Variants in KDM5B observed in about 807,000 individuals in gnomAD.
The protein encoded by KDM5B is lysine demethylase 5B, also known as lysine-specific demethylase 5B.
KDM5B carries 144 observed loss-of-function variants against 193.4 expected under a neutral mutation model. The ratio of observed to expected loss-of-function variants is 0.74; its 90% CI spans 0.65 to 0.86. The LOEUF (loss-of-function observed/expected upper bound fraction) is 0.86, where lower values mean the gene tolerates loss of function less well. Ranked by LOEUF, KDM5B falls within the 40% of genes least tolerant of loss-of-function variation. The pLI is 0.00. For missense variants in KDM5B, 1,833 were observed against 1,886.9 expected (o/e 0.97, Z 0.53); for synonymous variants, 668 against 682.6 (o/e 0.98, Z 0.33).
chr1:202,781,846 TAAC>T (rs1348757660), intron 1 of KDM5B, among the ~76,000 whole-genome samples: 1 of 152,236 alleles, frequency 6.6e-6, no homozygotes, highest in Non-Finnish European at 1.5e-5. Context: ...CTGAAAATTT[TAAC>T]AACTAAGACT....
chr1:202,792,124 TGTAGTAGAACTGA>T (rs1041093762), intron 1 of KDM5B, among the ~76,000 whole-genome samples: 2 of 152,238 alleles, frequency 1.3e-5, no homozygotes, highest in African/African-American at 4.8e-5. Context: ...CCCAGTTTTC[TGTAGTAGAACTGA>T]GAAATTTCTG....
At chr1:202,799,221 T>C (rs915348154) in intron 1 of KDM5B, among the ~76,000 whole-genome samples, 1 of 152,156 alleles carries the variant, frequency 6.6e-6, no homozygotes, top group African/African-American at 2.4e-5. Context: ...TTAGAGCAGA[T>C]GACAAGCATA....
chr1:202,785,149 A>G lies in KDM5B; in HGVS notation c.205-8055T>C, dbSNP rs531663890. On this transcript the variant is annotated intron_variant, in intron 1 of 26. Transcript: ENST00000367265. ...TTAAGTTCTGACCACTGAAATATGA[A>G]TCTTCCTATACAAAAAGCGCTGCAA... Among the ~76,000 whole-genome samples the G allele has an allele frequency of 3.3e-5, 5 of 152,300 alleles. No individual in the cohort carries two copies. The East Asian group carries it at 9.6e-4, about 29-fold the overall frequency.
chr1:202,755,314 G>A lies in KDM5B; in HGVS notation c.1495C>T (p.His499Tyr). Residue 499 changes from histidine (H) to tyrosine (Y), a missense_variant, in exon 11 of 27, where the codon CAC becomes TAC. Around this residue, in one of 3 missense-constraint regions of KDM5B, gnomAD observed 1,379 missense variants for 1,349.6 expected, o/e 1.02. Transcript: ENST00000367265. ...GAATAGCTCCAGTGGTCTTCAATGT[G>A]CCAACAGAATGAAGAAAAGCACATT... ...VGMCFSSFCW[H>Y]IEDHWSYSIN... 6.2e-7 allele frequency: 1 copy of A among 1,614,094 alleles called. No individual in the cohort carries two copies. Among genetic ancestry groups the A allele is most frequent in the Admixed American group, 1.7e-5 (1 of 60,012 alleles).
At chr1:202,750,851 A>T (rs1655761242) in intron 12 of KDM5B, 73 bp from the exon 13 acceptor site, 16 of 1,454,262 alleles carry the variant, frequency 1.1e-5, no homozygotes, top group Non-Finnish European at 1.5e-5. Flanking sequence ...ATCTGGACAC[A>T]GTCTATTAGA....
chr1:202,781,133 C>T (rs985493122), intron 1 of KDM5B, among the ~76,000 whole-genome samples: 1 of 152,084 alleles, frequency 6.6e-6, no homozygotes, highest in Non-Finnish European at 1.5e-5. Context: ...CTCTATCCGT[C>T]TCTACCAAAA....
intron 3 of KDM5B, among the ~76,000 whole-genome samples, chr1:202,773,749 T>C (rs908129718): frequency 1.6e-4 from 24 of 151,990 alleles, no homozygotes; most frequent in African/African-American, 5.6e-4. Context: ...TTTTTTTTTT[T>C]TTTCTGAGAT....
intron 1 of KDM5B, among the ~76,000 whole-genome samples, chr1:202,795,224 T>C (rs757501979): frequency 1.1e-4 from 16 of 145,262 alleles, no homozygotes; most frequent in Non-Finnish European, 4.5e-5. Context: ...AAAAAATAAA[T>C]AATAAAAAAT....
chr1:202,777,577 T>C (rs1265429949), intron 1 of KDM5B, among the ~76,000 whole-genome samples: 4 of 152,030 alleles, frequency 2.6e-5, no homozygotes, highest in African/African-American at 9.7e-5. Context: ...GGTGGAAACC[T>C]CTGCCTCCTG....
At chr1:202,781,207 G>C (rs1422862580) in intron 1 of KDM5B, among the ~76,000 whole-genome samples, 1 of 152,190 alleles carries the variant, frequency 6.6e-6, no homozygotes, top group East Asian at 1.9e-4. Flanking sequence ...GCTAAGGCAG[G>C]AGGATGACTT....
intron 22 of KDM5B, among the ~76,000 whole-genome samples, chr1:202,735,145 A>G (rs781402535): frequency 5.3e-5 from 8 of 152,146 alleles, no homozygotes; most frequent in Non-Finnish European, 8.8e-5. Flanking sequence ...ATTAGTCTCA[A>G]TATCTTTAGT....
At chr1:202,772,960 G>C (rs1360318260) in intron 4 of KDM5B, among the ~76,000 whole-genome samples, 158 bp downstream of exon 4, 1 of 152,154 alleles carries the variant, frequency 6.6e-6, no homozygotes, top group Admixed American at 6.5e-5. Context: ...GCCTCCCAAA[G>C]TGTTGGGATT....
At position 202,773,133 on chromosome 1, in the gene KDM5B, G is replaced by A. The variant is rs776615930; in HGVS notation, c.561C>T (p.Ser187=). The A allele has an allele frequency of 8.7e-6, 14 of 1,612,016 alleles. No homozygotes were observed. Among genetic ancestry groups the A allele is most frequent in the South Asian group, 3.3e-5 (3 of 90,962 alleles). ...RILNPYNLFL[S]GDSLRCLQKP... is the part of the protein sequence containing the mutation. ...CCAAACTTACCCTTAGGCTGTCTCC[G>A]GACAGGAATAAGTTGTAGGGGTTGA... The change falls in exon 4 of 27, where the codon TCC becomes TCT. Residue 187 remains serine (S), a synonymous_variant. Coordinates refer to ENST00000367265, the MANE Select transcript of KDM5B (RefSeq NM_006618.5).
At chr1:202,778,978 G>T (rs1657080276) in intron 1 of KDM5B, among the ~76,000 whole-genome samples, 1 of 152,076 alleles carries the variant, frequency 6.6e-6, no homozygotes, top group Non-Finnish European at 1.5e-5. Context: ...AGGGGTCGGG[G>T]GGCGGAACAG....
intron 1 of KDM5B, among the ~76,000 whole-genome samples, chr1:202,779,802 CAAAA>C (rs1164511718): frequency 1.6e-4 from 9 of 56,042 alleles, no homozygotes; most frequent in Admixed American, 1.3e-3. Context: ...GACTCCGTCT[CAAAA>C]ATAAATAAAT....
intron 20 of KDM5B, among the ~76,000 whole-genome samples, chr1:202,737,023 T>C (rs1655123423): frequency 6.6e-6 from 1 of 152,168 alleles, no homozygotes; most frequent in East Asian, 1.9e-4. Context: ...TTTATACCCT[T>C]CTAAATTCAT....
intron 1 of KDM5B, among the ~76,000 whole-genome samples, chr1:202,781,382 T>C (rs1657192717): frequency 1.3e-5 from 2 of 152,216 alleles, no homozygotes; most frequent in South Asian, 4.1e-4. Context: ...TGATGCATGA[T>C]AAAATGTTAA....
At chr1:202,767,956 A>G (rs1656543954) in intron 4 of KDM5B, among the ~76,000 whole-genome samples, 1 of 152,226 alleles carries the variant, frequency 6.6e-6, no homozygotes. Context: ...TATGTTTTCT[A>G]GATTTTACAA....
chr1:202,757,025 C>T (rs1190166110), intron 9 of KDM5B, among the ~76,000 whole-genome samples: 1 of 152,012 alleles, frequency 6.6e-6, no homozygotes, highest in Non-Finnish European at 1.5e-5. Context: ...GTGTTTTTGG[C>T]ACCAGGGATG....
Sources: allele counts gnomAD v4.1 joint callset (sites outside exome capture counted in the v4.1 genomes callset), GRCh38; gene constraint gnomAD v4.1.1; regional missense constraint gnomAD v4.1.1; transcripts MANE v1.5; gene names NCBI Gene and HGNC (gene_info 2026-07-23, HGNC 2026-07-21).